ATP8A2: variants seen among roughly 807,000 people sequenced by gnomAD.
ATP8A2 encodes the protein ATPase phospholipid transporting 8A2, also known as phospholipid-transporting ATPase IB.
Under a neutral mutation model 165.6 loss-of-function variants are expected in ATP8A2, and 100 were observed. The ratio of observed to expected loss-of-function variants is 0.60; its 90% CI spans 0.51 to 0.71. The LOEUF (loss-of-function observed/expected upper bound fraction) is 0.71. ATP8A2 is among the 30% of genes least tolerant of loss of function. ATP8A2 has a pLI of 0.00. For missense variants in ATP8A2, 1,227 were observed against 1,479.5 expected (o/e 0.83, Z 2.80); for synonymous variants, 543 against 548.8 (o/e 0.99, Z 0.15).
chr13:25,603,531 A>T (rs1224668712), intron 24 of ATP8A2, among the ~76,000 whole-genome samples: 2 of 152,046 alleles, frequency 1.3e-5, no homozygotes, highest in Non-Finnish European at 2.9e-5. Flanking sequence ...GCAGAGACTA[A>T]AGCTGAAGGG....
intron 25 of ATP8A2, among the ~76,000 whole-genome samples, chr13:25,766,218 G>T (rs2044487599): frequency 6.6e-6 from 1 of 152,162 alleles, no homozygotes; most frequent in South Asian, 2.1e-4. Context: ...AATCCAGACT[G>T]TAGATCCACT....
At chr13:25,510,236 A>G (rs1290727034) in intron 2 of ATP8A2, among the ~76,000 whole-genome samples, 1 of 151,696 alleles carries the variant, frequency 6.6e-6, no homozygotes, top group Admixed American at 6.6e-5. Flanking sequence ...ATGTTGAAAT[A>G]AATGGATGGA....
chr13:25,542,770 A>G (rs1403013147), intron 9 of ATP8A2, among the ~76,000 whole-genome samples: 4 of 152,162 alleles, frequency 2.6e-5, no homozygotes, highest in Admixed American at 6.6e-5. Flanking sequence ...ATACATAGCT[A>G]TACTATGGGC....
At chr13:25,649,077 G>A (rs1593133686) in intron 24 of ATP8A2, 1 of 489,456 alleles carries the variant, frequency 2.0e-6, no homozygotes, top group Non-Finnish European at 4.1e-6. Flanking sequence ...CTGAGTCCAT[G>A]TAATCCTTGT....
chr13:26,007,866 T>C (rs1956774527), intron 35 of ATP8A2, among the ~76,000 whole-genome samples: 1 of 152,112 alleles, frequency 6.6e-6, no homozygotes, highest in South Asian at 2.1e-4. Context: ...CAGAACCCTA[T>C]GCATAAAGTT....
chr13:25,484,156 G>A (rs1460238847), intron 2 of ATP8A2, among the ~76,000 whole-genome samples: 2 of 152,172 alleles, frequency 1.3e-5, no homozygotes, highest in African/African-American at 4.8e-5. Flanking sequence ...CAAGAAACTG[G>A]CTTCTCCTTT....
At chr13:25,581,400 A>G (rs1349727222) in intron 22 of ATP8A2, among the ~76,000 whole-genome samples, 1 of 152,188 alleles carries the variant, frequency 6.6e-6, no homozygotes, top group East Asian at 1.9e-4. Context: ...TTAGCACCAC[A>G]GGTCTCTTAC....
chr13:25,531,432 AT>A (rs202011594), intron 4 of ATP8A2, among the ~76,000 whole-genome samples: 8 of 38,792 alleles, frequency 2.1e-4, no homozygotes, highest in South Asian at 5.1e-4. Flanking sequence ...TATATATATG[AT>A]TATATATATG....
chr13:25,924,812 G>C (rs749858041), intron 33 of ATP8A2, among the ~76,000 whole-genome samples: 10 of 152,124 alleles, frequency 6.6e-5, no homozygotes, highest in Non-Finnish European at 8.8e-5. Flanking sequence ...TTCCCATGCT[G>C]TTCTCATAAT....
chr13:25,576,957 C>T (rs2138212590), intron 19 of ATP8A2, 112 bp from the exon 20 acceptor site: 1 of 778,486 alleles, frequency 1.3e-6, no homozygotes, highest in South Asian at 1.7e-5. Context: ...AAAGATAGAC[C>T]TTGTTCATTT....
intron 1 of ATP8A2, among the ~76,000 whole-genome samples, chr13:25,465,467 C>T (rs1339628080): frequency 6.6e-6 from 1 of 151,544 alleles, no homozygotes; most frequent in African/African-American, 2.4e-5. Context: ...TCACTATTTA[C>T]TCGTGTCAAT....
chr13:25,468,819 G>T (rs1009583040), intron 1 of ATP8A2, 158 bp from the exon 2 acceptor site: 2 of 983,944 alleles, frequency 2.0e-6, no homozygotes, highest in African/African-American at 3.5e-5. Context: ...CACAGGCGGC[G>T]GCGTCTCCAG....
At chr13:25,504,973 A>G (rs1593417564) in intron 2 of ATP8A2, among the ~76,000 whole-genome samples, 1 of 152,046 alleles carries the variant, frequency 6.6e-6, no homozygotes, top group Non-Finnish European at 1.5e-5. Flanking sequence ...TTTTTTAGTG[A>G]GAATTTACAG....
chr13:25,560,625 A>T (rs1593534570), intron 15 of ATP8A2, among the ~76,000 whole-genome samples: 1 of 124,200 alleles, frequency 8.1e-6, no homozygotes, highest in South Asian at 3.2e-4. Context: ...AGTTGAACCC[A>T]GGGGGCAGAG....
Position 25,787,888 on chromosome 13 carries a change from A to T in ATP8A2, c.2679+12929A>T, listed in dbSNP as rs190340983. Among the ~76,000 whole-genome samples the T allele has an allele frequency of 6.6e-5, 10 of 152,340 alleles. No individual in the cohort carries two copies. In the East Asian group the frequency reaches 1.5e-3, roughly 23 times the overall value. On this transcript the variant is annotated intron_variant, in intron 27 of 36. Transcript: ENST00000381655. ...GTAAAATGTGACCAGAATAGCATTG[A>T]CAGTAATCAAGCAAGACGATGGTAG...
chr13:25,749,073 T>C (rs538287212), intron 25 of ATP8A2, among the ~76,000 whole-genome samples: 1 of 152,304 alleles, frequency 6.6e-6, no homozygotes, highest in African/African-American at 2.4e-5. Flanking sequence ...GCAGAATAGT[T>C]TTGACTAACA....
intron 16 of ATP8A2, among the ~76,000 whole-genome samples, chr13:25,569,092 C>T (rs573684880): frequency 3.9e-5 from 6 of 152,176 alleles, no homozygotes; most frequent in East Asian, 1.9e-4. Context: ...TGTTTCATTA[C>T]GGGACAAGGT....
intron 28 of ATP8A2, among the ~76,000 whole-genome samples, chr13:25,828,432 A>G (rs768105906): frequency 6.6e-6 from 1 of 152,214 alleles, no homozygotes; most frequent in East Asian, 1.9e-4. Context: ...ATTAACCCAT[A>G]TATCTTGATA....
rs572936369 is a variant in ATP8A2, at chr13:25,994,094, C to T, written c.3378-18437C>T. Among the ~76,000 whole-genome samples, 41 of 152,144 alleles carry T rather than the reference C, an allele frequency of 2.7e-4. No individual in the cohort carries two copies. The South Asian group carries it at 3.7e-3, about 14-fold the overall frequency. On this transcript the variant is annotated intron_variant, in intron 35 of 36. Transcript: ENST00000381655. ...CCTCAGTATTTCATATATTTTTGAACGATCCCAAATTGCATTGTATTTTAA... is the reference window on the plus strand; with the variant it reads ...CCTCAGTATTTCATATATTTTTGAATGATCCCAAATTGCATTGTATTTTAA...
Sources: allele counts gnomAD v4.1 joint callset (sites outside exome capture counted in the v4.1 genomes callset), GRCh38; gene constraint gnomAD v4.1.1; transcripts MANE v1.5; gene names NCBI Gene and HGNC (gene_info 2026-07-23, HGNC 2026-07-21).